The following CCDC60 variants were observed in gnomAD, a reference collection of about 807,000 sequenced individuals.
The protein encoded by CCDC60 is coiled-coil domain-containing protein 60.
Under a neutral mutation model 63.5 loss-of-function variants are expected in CCDC60, and 54 were observed. The observed-to-expected ratio is 0.85, with a 90% CI of 0.68 to 1.07. The LOEUF (loss-of-function observed/expected upper bound fraction) is 1.07. Ranked by LOEUF, CCDC60 falls within the 50% of genes least tolerant of loss-of-function variation. The pLI is 0.00. For synonymous variants in CCDC60, 206 were observed against 238.8 expected (o/e 0.86, Z 1.27); for missense variants, 651 against 684.3 (o/e 0.95, Z 0.54).
In CCDC60 at chr12:119,410,804, G is replaced by A. The variant is rs533532921; in HGVS notation, c.91-17879G>A. 8.5e-5 allele frequency among the ~76,000 whole-genome samples: 13 copies of A among 152,150 alleles called. No homozygotes were observed. Among genetic ancestry groups the A allele is most frequent in the African/African-American group, 2.7e-4 (11 of 41,500 alleles). ...GTCACTCGGGCTGCAGTGCGGTGGCGCGATCTCAGCTCACTGCAGCCTCTG... is the reference window on the plus strand; with the variant it reads ...GTCACTCGGGCTGCAGTGCGGTGGCACGATCTCAGCTCACTGCAGCCTCTG... On this transcript the variant is annotated intron_variant, in intron 1 of 13. Coordinates refer to ENST00000327554, the MANE Select transcript of CCDC60 (RefSeq NM_178499.5). The surrounding 1 kb of genome is among the most constrained non-coding windows in gnomAD (Gnocchi z 4.0).
intron 4 of CCDC60, among the ~76,000 whole-genome samples, chr12:119,487,984 G>A (rs1203934972): frequency 1.3e-5 from 2 of 152,082 alleles, no homozygotes; most frequent in African/African-American, 2.4e-5. Context: ...AGGGATCACA[G>A]GTGCATGCCA....
chr12:119,488,867 G>C lies in CCDC60; in HGVS notation c.557+1G>C, dbSNP rs1951518496. 2.5e-6 allele frequency: 4 copies of C among 1,611,638 alleles called. No individual in the cohort carries two copies. The highest frequency in any genetic ancestry group is 3.4e-6 in the Non-Finnish European group (4 of 1,177,816). The stretch of plus-strand genomic sequence containing the variant: ...CTGTGATCACCTGCTGGAACCCAAA[G>C]TATGCCTCAGCCCTTCAACTTGTCT... On this transcript the variant is annotated splice_donor_variant, in intron 5 of 13. Transcript: ENST00000327554. LOFTEE classifies it high-confidence loss of function.
chr12:119,385,004 A>G (rs1339299079), intron 1 of CCDC60, among the ~76,000 whole-genome samples: 1 of 152,232 alleles, frequency 6.6e-6, no homozygotes, highest in African/African-American at 2.4e-5. Context: ...GGCTGCATTC[A>G]TTTGGAGAGA....
intron 10 of CCDC60, 28 bp downstream of exon 10, chr12:119,523,029 C>T: frequency 6.2e-7 from 1 of 1,600,168 alleles, no homozygotes; most frequent in African/African-American, 1.3e-5. Context: ...TGGAAGGAAC[C>T]ACGCAAGAGG....
chr12:119,444,154 AT>A (rs1950497147), intron 2 of CCDC60, among the ~76,000 whole-genome samples: 1 of 152,128 alleles, frequency 6.6e-6, no homozygotes, highest in Non-Finnish European at 1.5e-5. Context: ...TTAAGGTTCT[AT>A]AGTTTGTTGT....
chr12:119,440,581 C>G (rs1465956299), intron 2 of CCDC60, among the ~76,000 whole-genome samples: 3 of 152,010 alleles, frequency 2.0e-5, no homozygotes, highest in African/African-American at 7.2e-5. Context: ...AATATAAAAT[C>G]CATTGACATT....
chr12:119,353,101 A>C (rs977808694), intron 1 of CCDC60, among the ~76,000 whole-genome samples: 3 of 151,762 alleles, frequency 2.0e-5, no homozygotes, highest in Non-Finnish European at 4.4e-5. Context: ...GACACTGTTC[A>C]CCTCAGATGC....
At chr12:119,530,526 A>T (rs1952812726) in intron 12 of CCDC60, among the ~76,000 whole-genome samples, 1 of 152,224 alleles carries the variant, frequency 6.6e-6, no homozygotes, top group Admixed American at 6.5e-5. Flanking sequence ...AGATGTGTGT[A>T]CATCAACTCC....
intron 1 of CCDC60, among the ~76,000 whole-genome samples, chr12:119,427,362 A>G (rs758952539): frequency 3.9e-5 from 6 of 152,228 alleles, no homozygotes; most frequent in Non-Finnish European, 8.8e-5. Context: ...AAAATCAAAC[A>G]TCTTTATATA....
intron 1 of CCDC60, among the ~76,000 whole-genome samples, chr12:119,414,337 T>A (rs1956661956): frequency 6.6e-6 from 1 of 152,010 alleles, no homozygotes; most frequent in Non-Finnish European, 1.5e-5. Context: ...CTTTATTAGC[T>A]GGAGCCATCC....
intron 13 of CCDC60, among the ~76,000 whole-genome samples, chr12:119,538,440 C>T (rs1953071827): frequency 6.6e-6 from 1 of 152,186 alleles, no homozygotes. Context: ...CCAACCAGTC[C>T]CAATGAGATG....
chr12:119,487,259 A>G (rs370790093), intron 4 of CCDC60, among the ~76,000 whole-genome samples: 2 of 147,656 alleles, frequency 1.4e-5, no homozygotes, highest in Middle Eastern at 3.7e-3. Context: ...TGTAAAGAGG[A>G]GGTGGGAGCG....
chr12:119,480,573 C>A (rs1457282821), intron 4 of CCDC60, among the ~76,000 whole-genome samples: 2 of 152,072 alleles, frequency 1.3e-5, no homozygotes. Flanking sequence ...CCATCATCAT[C>A]ATCACCATCA....
intron 1 of CCDC60, among the ~76,000 whole-genome samples, chr12:119,381,837 C>A (rs1056433081): frequency 6.6e-6 from 1 of 152,110 alleles, no homozygotes; most frequent in African/African-American, 2.4e-5. Context: ...TATCTCAGAC[C>A]CTAAGATCTA....
chr12:119,446,595 A>G lies in CCDC60; in HGVS notation c.170+17833A>G, dbSNP rs79749110. 6.2e-3 allele frequency among the ~76,000 whole-genome samples: 944 copies of G among 152,272 alleles called. 11 individuals carry two copies. Among genetic ancestry groups the G allele is most frequent in the African/African-American group, 0.021 (890 of 41,562 alleles). On this transcript the variant is annotated intron_variant, in intron 2 of 13. Transcript: ENST00000327554. ...TGTGGGAGGAAGGATACAGGAAGAA[A>G]AAAAGGGAGAGGGAGAGGGAGGACG...
chr12:119,387,140 G>A (rs527977501), intron 1 of CCDC60, among the ~76,000 whole-genome samples: 35 of 150,738 alleles, frequency 2.3e-4, no homozygotes, highest in Admixed American at 8.6e-4. Context: ...CTTTGTTTAC[G>A]CAGGCTAGGC....
rs113207447 is a variant in CCDC60, at chr12:119,413,742, C to T, written c.91-14941C>T. On this transcript the variant is annotated intron_variant, in intron 1 of 13. Transcript: ENST00000327554. ...GGATTCCGACTCCACATTCTTTTCT[C>T]CTGAATCCGTCCCTTGTCCACCTCT... Among the ~76,000 whole-genome samples the T allele has an allele frequency of 1.8e-3, 271 of 152,190 alleles. 2 individuals are homozygous for T. The highest frequency in any genetic ancestry group is 5.2e-3 in the African/African-American group (214 of 41,530).
At chr12:119,396,089 C>G (rs1956248887) in intron 1 of CCDC60, among the ~76,000 whole-genome samples, 1 of 152,112 alleles carries the variant, frequency 6.6e-6, no homozygotes, top group Admixed American at 6.5e-5. Context: ...AGGCGCCCAC[C>G]ACCTCGCCTG....
At chr12:119,517,486 T>C (rs944917026) in intron 8 of CCDC60, among the ~76,000 whole-genome samples, 3 of 152,176 alleles carry the variant, frequency 2.0e-5, no homozygotes, top group Non-Finnish European at 4.4e-5. Flanking sequence ...AATAATGGCA[T>C]TTGACCTAGT....
Sources: allele counts gnomAD v4.1 joint callset (sites outside exome capture counted in the v4.1 genomes callset), GRCh38; gene constraint gnomAD v4.1.1; non-coding constraint Gnocchi (gnomAD v3.1); transcripts MANE v1.5; gene names NCBI Gene and HGNC (gene_info 2026-07-23, HGNC 2026-07-21).